Variants in NCAPG observed in about 807,000 individuals in gnomAD.
NCAPG encodes the protein condensin complex subunit 3.
Under a neutral mutation model 113.1 loss-of-function variants are expected in NCAPG, and 69 were observed. That is an observed-to-expected ratio of 0.61 (90% confidence interval 0.50 to 0.75). The LOEUF is 0.75. Ranked by LOEUF, NCAPG falls within the 30% of genes least tolerant of loss-of-function variation. NCAPG has a pLI of 0.00. For synonymous variants in NCAPG, 370 were observed against 415.8 expected (o/e 0.89, Z 1.34); for missense variants, 1,058 against 1,177.0 (o/e 0.90, Z 1.48).
chr4:17,839,313 G>A (rs796603699), intron 16 of NCAPG, among the ~76,000 whole-genome samples: 17 of 152,316 alleles, frequency 1.1e-4, no homozygotes, highest in African/African-American at 3.4e-4. Context: ...CCAGTCATTG[G>A]ATTTGGACAA....
intron 7 of NCAPG, among the ~76,000 whole-genome samples, chr4:17,820,429 G>T (rs1024150947): frequency 1.1e-4 from 17 of 151,776 alleles, no homozygotes; most frequent in African/African-American, 2.4e-5. Flanking sequence ...GTGAAACCCC[G>T]TCTCTACTAA....
intron 11 of NCAPG, among the ~76,000 whole-genome samples, chr4:17,825,808 A>G (rs1721637635): frequency 6.6e-6 from 1 of 152,032 alleles, no homozygotes; most frequent in Admixed American, 6.6e-5. Context: ...TAGAATCCGA[A>G]GTCTTTCTTA....
intron 13 of NCAPG, among the ~76,000 whole-genome samples, chr4:17,832,330 G>T (rs1483632429): frequency 2.6e-5 from 4 of 152,158 alleles, no homozygotes; most frequent in Non-Finnish European, 5.9e-5. Flanking sequence ...GGTTACTGAG[G>T]TTGTGAGCAG....
chr4:17,812,183 A>G (rs746562494), intron 1 of NCAPG, 38 bp from the exon 2 acceptor site: 3 of 1,516,452 alleles, frequency 2.0e-6, no homozygotes, highest in East Asian at 4.5e-5. Context: ...AAGGATTTTT[A>G]TCGGTGCAGT....
chr4:17,842,597 A>T (rs1366397084), intron 20 of NCAPG: 1 of 483,150 alleles, frequency 2.1e-6, no homozygotes, highest in African/African-American at 2.0e-5. Flanking sequence ...CATGGTCTTT[A>T]GTACTATCTT....
At chr4:17,825,675 A>ACATGCTCAAAG in intron 11 of NCAPG, 114 bp downstream of exon 11, 2 of 892,484 alleles carry the variant, frequency 2.2e-6, no homozygotes, top group Non-Finnish European at 3.3e-6. Flanking sequence ...GCACTTTGTA[A>ACATGCTCAAAG]TAGTGACATG....
chr4:17,842,321 G>A lies in NCAPG; in HGVS notation c.2866G>A (p.Val956Met). 1 of 1,611,986 alleles carries A rather than the reference G, an allele frequency of 6.2e-7. No homozygotes were observed. The highest frequency in any genetic ancestry group is 8.5e-7 in the Non-Finnish European group (1 of 1,178,400). ...QLKTNRGQRK[V>M]TVSARTNRRC... is the part of the protein sequence containing the mutation. ...ATACTATCTTCAAGGACAGAGAAAA[G>A]TGACAGTTTCAGCTAGGACGAACAG... The change falls in exon 20 of 21, where the codon GTG becomes ATG. Residue 956 changes from valine to methionine, a missense_variant. Transcript: ENST00000251496.
intron 14 of NCAPG, among the ~76,000 whole-genome samples, chr4:17,836,681 CT>C (rs1211823939): frequency 6.6e-6 from 1 of 152,090 alleles, no homozygotes; most frequent in Non-Finnish European, 1.5e-5. Flanking sequence ...CTTCTCTAGA[CT>C]TTTGTTTACT....
chr4:17,844,225 T>G lies in NCAPG; in HGVS notation c.*800T>G, dbSNP rs566698697. ...CTACCAATTTATGAGCACTATTCAC[T>G]GTCAATTTCATTTCTTGTCTTTTGA... is the stretch of plus-strand genomic sequence containing the variant. On this transcript the variant is annotated 3_prime_UTR_variant, in exon 21 of 21. Coordinates refer to ENST00000251496, the MANE Select transcript of NCAPG (RefSeq NM_022346.5). The G allele has an allele frequency of 6.6e-6, 1 of 152,412 alleles. No homozygotes were observed. The highest frequency in any genetic ancestry group is 2.4e-5 in the African/African-American group (1 of 41,450). The allele number at this position is 152,412 out of a possible 1,614,324, so 9.4% of individuals were successfully genotyped here. A position where few individuals can be genotyped will look rare whatever the true frequency, so the allele number is the denominator to read the frequency against.
chr4:17,842,585 G>T, intron 20 of NCAPG: 2 of 520,118 alleles, frequency 3.8e-6, no homozygotes, highest in Non-Finnish European at 7.0e-6. Flanking sequence ...CCTATTAGCT[G>T]GCATGGTCTT....
At chr4:17,822,664 G>A (rs770695778) in intron 7 of NCAPG, among the ~76,000 whole-genome samples, 3 of 152,188 alleles carry the variant, frequency 2.0e-5, no homozygotes, top group African/African-American at 7.2e-5. Flanking sequence ...GGGACCATCT[G>A]TAATTGGGAG....
chr4:17,837,123 A>C lies in NCAPG; in HGVS notation c.2110-36A>C, dbSNP rs753621493. On this transcript the variant is annotated intron_variant, in intron 14 of 20. Transcript: ENST00000251496. Reference sequence around the variant, plus strand: ...ATTGAGAGGCTTAAAAAGGAGATACAAATAAATTTCTTCTAATGAATGTCA... The same window carrying C: ...ATTGAGAGGCTTAAAAAGGAGATACCAATAAATTTCTTCTAATGAATGTCA... 3 of 1,594,560 alleles carry C rather than the reference A, an allele frequency of 1.9e-6. 1 individual carries two copies. Among genetic ancestry groups the C allele is most frequent in the South Asian group, 2.2e-5 (2 of 89,446 alleles).
chr4:17,842,100 G>T, intron 19 of NCAPG: 1 of 489,078 alleles, frequency 2.0e-6, no homozygotes. Flanking sequence ...CATTATTAGT[G>T]CTTACAAAAT....
Position 17,837,802 on chromosome 4 carries a change from G to T in NCAPG, c.2466+1G>T. 1 of 1,613,618 alleles carries T rather than the reference G, an allele frequency of 6.2e-7. No homozygotes were observed. Among genetic ancestry groups the T allele is most frequent in the Non-Finnish European group, 8.5e-7 (1 of 1,179,726 alleles). On this transcript the variant is annotated splice_donor_variant, in intron 16 of 20. Transcript: ENST00000251496. LOFTEE classifies it high-confidence loss of function. ...GGCCAAGACTTCCCAAGATTATCAG[G>T]TGAGTGACTGTGGTAACTGCATGCA... is the stretch of plus-strand genomic sequence containing the variant.
In NCAPG at chr4:17,840,210, G is replaced by A. The variant is rs746042988; in HGVS notation, c.2767+1G>A. On this transcript the variant is annotated splice_donor_variant, in intron 18 of 20. Coordinates refer to ENST00000251496, the MANE Select transcript of NCAPG (RefSeq NM_022346.5). LOFTEE classifies it high-confidence loss of function. ...ACAACTACTTTCCAAAATGAAGATG[G>A]TAATCACATACTGAACAGAATATTT... 1 of 1,593,638 alleles carries A rather than the reference G, an allele frequency of 6.3e-7. No individual in the cohort carries two copies. Among genetic ancestry groups the A allele is most frequent in the Non-Finnish European group, 8.5e-7 (1 of 1,173,002 alleles).
In NCAPG at chr4:17,811,029, G is replaced by C; in HGVS notation, c.-49G>C. 2 of 1,248,132 alleles carry C rather than the reference G, an allele frequency of 1.6e-6. No homozygotes were observed. The highest frequency in any genetic ancestry group is 2.2e-6 in the Non-Finnish European group (2 of 920,624). The allele number at this position is 1,248,132 out of a possible 1,614,324, so 77.3% of individuals were successfully genotyped here. On this transcript the variant is annotated 5_prime_UTR_variant, in exon 1 of 21. Transcript: ENST00000251496. This position sits in a 1 kb window ranked among gnomAD's most constrained non-coding sequence, Gnocchi z 5.3. ...CTGCCTCTGGGTTGGCGGGCTGGCA[G>C]GCTGTAGCCGAGCGCGGGCAGGACT...
At position 17,840,618 on chromosome 4, in the gene NCAPG, G is replaced by T; in HGVS notation, c.2779G>T (p.Glu927Ter). The change falls in exon 19 of 21, where the codon GAA (glutamate) becomes TAA (stop). Residue 927 changes from glutamate to a stop codon, truncating the protein, a stop_gained. Coordinates refer to ENST00000251496, the MANE Select transcript of NCAPG (RefSeq NM_022346.5). LOFTEE classifies it high-confidence loss of function. ...TFQNEDEKNK[E>*]VYMTPLRGVK... ...ATTCCCTTTAATAGAAAAGAATAAA[G>T]AAGTATATATGACTCCACTCAGGGG... The T allele has an allele frequency of 6.7e-7, 1 of 1,490,928 alleles. No homozygotes were observed. Among genetic ancestry groups the T allele is most frequent in the Non-Finnish European group, 8.9e-7 (1 of 1,119,322 alleles). The allele number at this position is 1,490,928 out of a possible 1,614,324, so 92.4% of individuals were successfully genotyped here. A position where few individuals can be genotyped will look rare whatever the true frequency, so the allele number is the denominator to read the frequency against.
intron 7 of NCAPG, among the ~76,000 whole-genome samples, chr4:17,820,992 C>T (rs1179876474): frequency 2.6e-5 from 4 of 152,078 alleles, no homozygotes; most frequent in Non-Finnish European, 4.4e-5. Context: ...GTGGTCTCTT[C>T]ATTATAATAA....
Position 17,840,659 on chromosome 4 carries a change from A to G in NCAPG, c.2820A>G (p.Gln940=), listed in dbSNP as rs773463896. 2 of 1,560,160 alleles carry G rather than the reference A, an allele frequency of 1.3e-6. No individual in the cohort carries two copies. The highest frequency in any genetic ancestry group is 1.2e-5 in the South Asian group (1 of 80,518). ...CACTCAGGGGTGTAAAAGCAACCCA[A>G]GCATCAAAGTCTACTCAGCTAAAGA... ...MTPLRGVKAT[Q]ASKSTQLKTN... The change falls in exon 19 of 21, where the codon CAA becomes CAG. Residue 940 remains glutamine (Q), a synonymous_variant. Coordinates refer to ENST00000251496, the MANE Select transcript of NCAPG (RefSeq NM_022346.5).
Sources: allele counts gnomAD v4.1 joint callset (sites outside exome capture counted in the v4.1 genomes callset), GRCh38; gene constraint gnomAD v4.1.1; non-coding constraint Gnocchi (gnomAD v3.1); transcripts MANE v1.5; gene names NCBI Gene and HGNC (gene_info 2026-07-23, HGNC 2026-07-21).